Variants in MAGI1 observed in about 807,000 individuals in gnomAD.
MAGI1 encodes the protein membrane associated guanylate kinase, WW and PDZ domain containing 1.
MAGI1 carries 58 observed loss-of-function variants against 139.9 expected under a neutral mutation model. The ratio of observed to expected loss-of-function variants is 0.41; its 90% confidence interval spans 0.34 to 0.52. The LOEUF is 0.52. MAGI1 is among the 20% of genes least tolerant of loss of function. The pLI, the probability that MAGI1 is intolerant of heterozygous loss-of-function variation, is 0.12. For missense variants in MAGI1, 1,874 were observed against 1,901.6 expected (o/e 0.99, Z 0.27); for synonymous variants, 812 against 737.9 (o/e 1.10, Z -1.63).
intron 1 of MAGI1, among the ~76,000 whole-genome samples, chr3:65,731,019 C>A (rs1373517633): frequency 6.6e-6 from 1 of 152,024 alleles, no homozygotes; most frequent in Non-Finnish European, 1.5e-5. Context: ...CATCTTCTAG[C>A]CCCCAAATTT....
chr3:65,392,393 C>A (rs1265854548), intron 13 of MAGI1, among the ~76,000 whole-genome samples: 1 of 152,216 alleles, frequency 6.6e-6, no homozygotes, highest in Admixed American at 6.5e-5. Context: ...GCCTCATATA[C>A]CATAGACACC....
At chr3:65,499,588 A>G (rs1042394686) in intron 2 of MAGI1, among the ~76,000 whole-genome samples, 5 of 151,852 alleles carry the variant, frequency 3.3e-5, no homozygotes, top group African/African-American at 1.2e-4. Context: ...GCGCCACTGC[A>G]CTCCAGCCTG....
intron 2 of MAGI1, among the ~76,000 whole-genome samples, chr3:65,510,481 C>G (rs2077530845): frequency 6.7e-6 from 1 of 149,004 alleles, no homozygotes; most frequent in South Asian, 2.2e-4. Flanking sequence ...AGCTGAAAAC[C>G]AAGGCTCGAG....
intron 16 of MAGI1, among the ~76,000 whole-genome samples, chr3:65,379,887 CA>C (rs1305838297): frequency 6.6e-6 from 1 of 152,200 alleles, no homozygotes; most frequent in Non-Finnish European, 1.5e-5. Flanking sequence ...CCCCATTGCA[CA>C]AAGGGAAGGG....
intron 1 of MAGI1, among the ~76,000 whole-genome samples, chr3:65,779,411 A>G (rs1436415023): frequency 6.6e-6 from 1 of 152,238 alleles, no homozygotes; most frequent in Non-Finnish European, 1.5e-5. Flanking sequence ...GATGCCATAC[A>G]CTAAAGCACT....
chr3:65,818,913 T>C lies in MAGI1; in HGVS notation c.314-196825A>G, dbSNP rs80140219. Among the ~76,000 whole-genome samples the C allele has an allele frequency of 3.2e-3, 488 of 152,316 alleles. 1 individual carries two copies. Among genetic ancestry groups the C allele is most frequent in the African/African-American group, 0.011 (451 of 41,572 alleles). On this transcript the variant is annotated intron_variant, in intron 1 of 22. Transcript: ENST00000402939. The stretch of plus-strand genomic sequence containing the variant: ...CTCAACAAAAGATCAATAACGTTGA[T>C]TGAATTCCATTCATACTAGAAAACA...
At chr3:65,769,331 T>C (rs1047870552) in intron 1 of MAGI1, among the ~76,000 whole-genome samples, 3 of 152,174 alleles carry the variant, frequency 2.0e-5, no homozygotes, top group East Asian at 3.9e-4. Flanking sequence ...CTACTGAAAG[T>C]TCATAAGCGT....
At chr3:65,614,606 G>T in intron 2 of MAGI1, among the ~76,000 whole-genome samples, 1 of 152,054 alleles carries the variant, frequency 6.6e-6, no homozygotes, top group Admixed American at 6.6e-5. Flanking sequence ...CATGGTATCA[G>T]ATAAGTTACT....
At chr3:65,614,792 A>G (rs1396449276) in intron 2 of MAGI1, among the ~76,000 whole-genome samples, 3 of 152,108 alleles carry the variant, frequency 2.0e-5, no homozygotes, top group South Asian at 4.1e-4. Context: ...GCCGATCTAA[A>G]AGCTTTAAAA....
At chr3:65,684,182 A>AG (rs1553690888) in intron 1 of MAGI1, among the ~76,000 whole-genome samples, 3 of 149,990 alleles carry the variant, frequency 2.0e-5, no homozygotes, top group East Asian at 1.9e-4. Flanking sequence ...AAAAAAAAAA[A>AG]AAAAGAAAAG....
intron 2 of MAGI1, among the ~76,000 whole-genome samples, chr3:65,593,714 G>A (rs937019870): frequency 4.6e-5 from 7 of 152,052 alleles, no homozygotes; most frequent in Non-Finnish European, 8.8e-5. Flanking sequence ...ATTCATTCAA[G>A]TATTTATTGA....
chr3:65,399,092 A>G (rs1009654647), intron 13 of MAGI1, among the ~76,000 whole-genome samples: 8 of 152,148 alleles, frequency 5.3e-5, no homozygotes, highest in Non-Finnish European at 1.2e-4. Flanking sequence ...TAAACAAAAC[A>G]ACCACAACAC....
At chr3:65,440,268 A>C in intron 8 of MAGI1, among the ~76,000 whole-genome samples, 1 of 152,170 alleles carries the variant, frequency 6.6e-6, no homozygotes, top group East Asian at 1.9e-4. Flanking sequence ...CCAGGAGGTA[A>C]GTCCTATTTT....
chr3:65,516,638 T>C (rs1410335748), intron 2 of MAGI1, among the ~76,000 whole-genome samples: 1 of 150,980 alleles, frequency 6.6e-6, no homozygotes, highest in East Asian at 2.0e-4. Flanking sequence ...CCTAAAACCT[T>C]ATCACAATCA....
At chr3:65,831,218 C>G (rs974167513) in intron 1 of MAGI1, among the ~76,000 whole-genome samples, 3 of 152,208 alleles carry the variant, frequency 2.0e-5, no homozygotes, top group Non-Finnish European at 4.4e-5. Flanking sequence ...TAATGGACAA[C>G]TTCAAGCAAG....
chr3:66,005,773 A>G (rs2066982835), intron 1 of MAGI1, among the ~76,000 whole-genome samples: 2 of 152,160 alleles, frequency 1.3e-5, no homozygotes, highest in African/African-American at 4.8e-5. Context: ...GACAAGAAAC[A>G]TACCACAAAG....
chr3:65,584,876 T>C (rs7621090), intron 2 of MAGI1, among the ~76,000 whole-genome samples: 55,807 of 152,062 alleles, frequency 0.37, 11,364 homozygotes, highest in East Asian at 0.49. Context: ...CCAGGTACTG[T>C]GCTAGACACT....
intron 7 of MAGI1, among the ~76,000 whole-genome samples, chr3:65,444,681 T>A (rs1042052988): frequency 2.0e-5 from 3 of 152,072 alleles, no homozygotes; most frequent in African/African-American, 7.2e-5. Context: ...CCACGTGGTA[T>A]GTGCTTTGAT....
intron 1 of MAGI1, among the ~76,000 whole-genome samples, chr3:65,649,395 A>G (rs531958647): frequency 1.5e-4 from 23 of 152,282 alleles, no homozygotes; most frequent in African/African-American, 4.8e-4. Flanking sequence ...AGCAAATAAA[A>G]TAAAGTAAAA....
Sources: allele counts gnomAD v4.1 joint callset (sites outside exome capture counted in the v4.1 genomes callset), GRCh38; gene constraint gnomAD v4.1.1; transcripts MANE v1.5; gene names NCBI Gene and HGNC (gene_info 2026-07-23, HGNC 2026-07-21).